PLPP4: variants seen among roughly 807,000 people sequenced by gnomAD.
PLPP4 encodes diacylglycerol pyrophosphate like 2.
PLPP4 carries 20 observed loss-of-function variants against 32.2 expected under a neutral mutation model. The ratio of observed to expected loss-of-function variants is 0.62; its 90% CI spans 0.44 to 0.90. The LOEUF (loss-of-function observed/expected upper bound fraction) is 0.90. PLPP4 is among the 40% of genes least tolerant of loss of function. The pLI, the probability that PLPP4 is intolerant of heterozygous loss-of-function variation, is 0.00. For missense variants in PLPP4, 257 were observed against 353.1 expected (o/e 0.73, Z 2.18); for synonymous variants, 127 against 133.0 (o/e 0.95, Z 0.31).
intron 1 of PLPP4, among the ~76,000 whole-genome samples, chr10:120,496,929 G>A (rs1327995919): frequency 1.3e-5 from 2 of 151,872 alleles, no homozygotes; most frequent in Non-Finnish European, 2.9e-5. Flanking sequence ...GTGTGTGTGT[G>A]TGTGTGTGTA....
chr10:120,474,799 G>C (rs894022083), intron 1 of PLPP4, among the ~76,000 whole-genome samples: 2 of 152,132 alleles, frequency 1.3e-5, no homozygotes, highest in Admixed American at 1.3e-4. Flanking sequence ...TTTTCTATAT[G>C]CCAGGCAGAG....
intron 3 of PLPP4, among the ~76,000 whole-genome samples, chr10:120,518,172 G>C (rs1244771057): frequency 1.3e-5 from 2 of 152,196 alleles, no homozygotes; most frequent in Non-Finnish European, 2.9e-5. Context: ...AGTCTTCCCA[G>C]ACTGTTTGGA....
chr10:120,558,070 G>A (rs531341305), intron 5 of PLPP4, among the ~76,000 whole-genome samples: 64 of 151,216 alleles, frequency 4.2e-4, no homozygotes, highest in Admixed American at 1.4e-3. Context: ...AGACCTCCAT[G>A]TACCCAGCAC....
intron 5 of PLPP4, among the ~76,000 whole-genome samples, chr10:120,551,584 C>G (rs1324608080): frequency 6.6e-6 from 1 of 152,112 alleles, no homozygotes; most frequent in Non-Finnish European, 1.5e-5. Context: ...GGAAGTCAGA[C>G]AGAAAAGAGT....
intron 5 of PLPP4, among the ~76,000 whole-genome samples, chr10:120,522,234 A>G (rs1264354119): frequency 6.6e-6 from 1 of 152,194 alleles, no homozygotes; most frequent in Non-Finnish European, 1.5e-5. Flanking sequence ...CCCGAGACAC[A>G]TCCTACTAAT....
At chr10:120,530,289 A>G (rs1024584182) in intron 5 of PLPP4, among the ~76,000 whole-genome samples, 5 of 152,106 alleles carry the variant, frequency 3.3e-5, no homozygotes, top group African/African-American at 1.2e-4. Context: ...TGTCCAGTCA[A>G]TCTTCATCCC....
chr10:120,467,369 C>T (rs1848377316), intron 1 of PLPP4, among the ~76,000 whole-genome samples: 1 of 64,430 alleles, frequency 1.6e-5, no homozygotes, highest in African/African-American at 3.3e-5. Flanking sequence ...GGATTACAGG[C>T]GTGAGCCACC....
intron 5 of PLPP4, among the ~76,000 whole-genome samples, chr10:120,551,311 T>G (rs1026141128): frequency 6.6e-6 from 1 of 152,226 alleles, no homozygotes; most frequent in African/African-American, 2.4e-5. Flanking sequence ...ACTTTGTGAA[T>G]TGGTTGTCAG....
At position 120,480,813 on chromosome 10, in the gene PLPP4, C is replaced by T. The variant is rs148454450; in HGVS notation, c.57-23005C>T. ...CTTTCTTGCTACAACAACACTTTCC[C>T]CACTGTCCTCTGCTCCCTCACCCAA... On this transcript the variant is annotated intron_variant, in intron 1 of 6. Transcript: ENST00000398250. Among the ~76,000 whole-genome samples, 9 of 152,338 alleles carry T rather than the reference C, an allele frequency of 5.9e-5. No individual in the cohort carries two copies. The East Asian group carries it at 7.7e-4, about 13-fold the overall frequency.
chr10:120,470,831 A>G (rs1307813850), intron 1 of PLPP4, among the ~76,000 whole-genome samples: 2 of 152,200 alleles, frequency 1.3e-5, no homozygotes, highest in African/African-American at 4.8e-5. Context: ...TTAAGGCTTC[A>G]GGCTCTAGTG....
intron 1 of PLPP4, among the ~76,000 whole-genome samples, chr10:120,486,900 C>T (rs1844484346): frequency 6.6e-6 from 1 of 152,218 alleles, no homozygotes; most frequent in Non-Finnish European, 1.5e-5. Flanking sequence ...CGGGCTGCCT[C>T]CTGCAGGGGT....
intron 5 of PLPP4, among the ~76,000 whole-genome samples, chr10:120,573,764 G>C (rs1411693440): frequency 1.3e-5 from 2 of 152,142 alleles, no homozygotes; most frequent in South Asian, 2.1e-4. Context: ...GCTTCTCCAA[G>C]TGCAGTGTGT....
chr10:120,542,782 A>C (rs1847412280), intron 5 of PLPP4, among the ~76,000 whole-genome samples: 1 of 152,216 alleles, frequency 6.6e-6, no homozygotes, highest in African/African-American at 2.4e-5. Context: ...CTGCAGAGTG[A>C]CTGTCGATGA....
intron 5 of PLPP4, among the ~76,000 whole-genome samples, chr10:120,546,302 G>C (rs1309450706): frequency 2.0e-5 from 3 of 152,046 alleles, no homozygotes; most frequent in Non-Finnish European, 4.4e-5. Context: ...AATGGAAAAT[G>C]GACCTGCATT....
intron 5 of PLPP4, among the ~76,000 whole-genome samples, chr10:120,548,293 G>C (rs978077383): frequency 9.9e-5 from 15 of 152,084 alleles, no homozygotes; most frequent in African/African-American, 3.6e-4. Flanking sequence ...TATATACTCA[G>C]TGTTTGGCTC....
At chr10:120,531,272 A>G (rs1846705571) in intron 5 of PLPP4, among the ~76,000 whole-genome samples, 1 of 151,612 alleles carries the variant, frequency 6.6e-6, no homozygotes, top group Non-Finnish European at 1.5e-5. Context: ...CGCCCAGCTA[A>G]TTTTTGTATT....
chr10:120,460,602 A>G (rs1847998786), intron 1 of PLPP4, among the ~76,000 whole-genome samples: 1 of 152,182 alleles, frequency 6.6e-6, no homozygotes, highest in African/African-American at 2.4e-5. Flanking sequence ...TTTGTCATAG[A>G]TGAAGAAACT....
chr10:120,468,586 C>T lies in PLPP4; in HGVS notation c.56+11225C>T, dbSNP rs1214600967. Reference sequence around the variant, plus strand: ...TATGTCTAAATTATTTTATAGTAAGCATTTATTATTTTCATGCACAATCAA... The same window carrying T: ...TATGTCTAAATTATTTTATAGTAAGTATTTATTATTTTCATGCACAATCAA... On this transcript the variant is annotated intron_variant, in intron 1 of 6. Transcript: ENST00000398250. Among the ~76,000 whole-genome samples, 42 of 64,838 alleles carry T rather than the reference C, an allele frequency of 6.5e-4. 19 individuals carry two copies. The highest frequency in any genetic ancestry group is 3.1e-4 in the Non-Finnish European group (7 of 22,288). The allele number at this position is 64,838 out of a possible 152,430, so 42.5% of individuals were successfully genotyped here. A position where few individuals can be genotyped will look rare whatever the true frequency, so the allele number is the denominator to read the frequency against.
chr10:120,457,161 C>T, upstream of PLPP4: 1 of 392,886 alleles, frequency 2.5e-6, no homozygotes, highest in Middle Eastern at 8.2e-4. Flanking sequence ...CGGCGCCTGC[C>T]CCCGCCCGGC....
Sources: gnomAD v4.1 joint callset for allele counts (sites outside exome capture counted in the v4.1 genomes callset) on GRCh38, gnomAD v4.1.1 for gene constraint, MANE v1.5 for transcripts, NCBI Gene and HGNC (gene_info 2026-07-23, HGNC 2026-07-21) for gene names.